Variants in EFCAB7 observed in about 807,000 individuals in gnomAD.
EFCAB7 encodes the protein EF-hand calcium-binding domain-containing protein 7.
A neutral mutation model predicts 77.1 loss-of-function variants in EFCAB7; 66 were observed. The observed-to-expected ratio is 0.86, with a 90% CI of 0.70 to 1.05. The LOEUF is 1.05. EFCAB7 is among the 50% of genes least tolerant of loss of function. EFCAB7 has a pLI of 0.00. For synonymous variants in EFCAB7, 225 were observed against 243.3 expected, an observed-to-expected ratio of 0.92 and a Z score of 0.70; for missense variants, 638 against 730.5, an observed-to-expected ratio of 0.87 and a Z score of 1.46.
chr1:63,538,875 A>C (rs1257877554), intron 6 of EFCAB7, among the ~76,000 whole-genome samples: 2 of 152,204 alleles, frequency 1.3e-5, no homozygotes, highest in South Asian at 2.1e-4. Flanking sequence ...TTAGAATTCA[A>C]ATTGATCTGT....
chr1:63,556,655 T>C (rs1320182197), intron 9 of EFCAB7, among the ~76,000 whole-genome samples: 5 of 152,176 alleles, frequency 3.3e-5, no homozygotes, highest in African/African-American at 1.2e-4. Flanking sequence ...AAAACTGTAT[T>C]TGGTTACATT....
At chr1:63,532,855 C>T (rs537407011) in intron 4 of EFCAB7, 99 bp downstream of exon 4, 18 of 904,082 alleles carry the variant, frequency 2.0e-5, no homozygotes, top group Middle Eastern at 3.2e-4. Context: ...TTACAGTGTA[C>T]ATGCAATGTT....
In EFCAB7 at chr1:63,531,991, G is replaced by A; in HGVS notation, c.359G>A (p.Gly120Asp). The A allele has an allele frequency of 6.2e-7, 1 of 1,612,072 alleles. No individual in the cohort carries two copies. The highest frequency in any genetic ancestry group is 8.5e-7 in the Non-Finnish European group (1 of 1,178,686). The change falls in exon 3 of 14, where the codon GGC becomes GAC. Residue 120 changes from glycine to aspartate, a missense_variant. Transcript: ENST00000371088. ...AAGCAATTAGATGTAAATGATGATG[G>A]CTGTATTTTACACACTGACCTTTAT... ...SFKQLDVNDD[G>D]CILHTDLYKF...
At chr1:63,543,274 A>G (rs564481948) in intron 6 of EFCAB7, among the ~76,000 whole-genome samples, 2 of 152,318 alleles carry the variant, frequency 1.3e-5, no homozygotes, top group East Asian at 3.9e-4. Context: ...TTTATGGGCT[A>G]TCCATTCTGT....
rs375866613 is a variant in EFCAB7, at chr1:63,555,477, A to T, written c.1176A>T (p.Arg392Ser). 3 of 1,613,394 alleles carry T rather than the reference A, an allele frequency of 1.9e-6. No homozygotes were observed. The highest frequency in any genetic ancestry group is 2.5e-6 in the Non-Finnish European group (3 of 1,179,672). The change falls in exon 9 of 14, where the codon AGA (arginine) becomes AGT (serine). Residue 392 changes from arginine (R) to serine (S), a missense_variant. Arg to Ser is a moderately radical substitution (Grantham distance 110, BLOSUM62 -1). Coordinates refer to ENST00000371088, the MANE Select transcript of EFCAB7 (RefSeq NM_032437.4). Reference protein sequence around the residue: ...PVTDEAQLVYRDETGELFLTK... With the variant: ...PVTDEAQLVYSDETGELFLTK... Reference sequence around the variant, plus strand: ...CAGATGAAGCCCAACTTGTATATAGAGATGAAACAGGGGAATTATTCCTTA... The same window carrying T: ...CAGATGAAGCCCAACTTGTATATAGTGATGAAACAGGGGAATTATTCCTTA...
At chr1:63,541,859 AG>A (rs553777400) in intron 6 of EFCAB7, among the ~76,000 whole-genome samples, 92 of 152,202 alleles carry the variant, frequency 6.0e-4, no homozygotes, top group Non-Finnish European at 1.2e-3. Flanking sequence ...CACCATGCCC[AG>A]CCCCAACACA....
chr1:63,554,910 A>T (rs1169747778), intron 8 of EFCAB7, among the ~76,000 whole-genome samples: 2 of 152,216 alleles, frequency 1.3e-5, no homozygotes, highest in African/African-American at 4.8e-5. Flanking sequence ...TGTCATTGAA[A>T]TCTGATTTAG....
At chr1:63,559,729 G>A (rs1647072526) in intron 10 of EFCAB7, among the ~76,000 whole-genome samples, 1 of 152,080 alleles carries the variant, frequency 6.6e-6, no homozygotes, top group Non-Finnish European at 1.5e-5. Flanking sequence ...TATGGGTTTT[G>A]ACAAATATGT....
intron 6 of EFCAB7, among the ~76,000 whole-genome samples, chr1:63,539,395 C>G (rs12143672): frequency 0.015 from 2,233 of 152,240 alleles, 18 homozygotes; most frequent in Non-Finnish European, 0.022. Flanking sequence ...TTAAGTTTAT[C>G]TTAACCCTTA....
chr1:63,549,144 T>C, intron 7 of EFCAB7: 1 of 305,854 alleles, frequency 3.3e-6, no homozygotes, highest in Non-Finnish European at 6.6e-6. Flanking sequence ...TTTTGACCTG[T>C]AGCAGAGAAC....
chr1:63,583,175 A>G, the EFCAB7 span, among the ~76,000 whole-genome samples: 1 of 152,162 alleles, frequency 6.6e-6, no homozygotes, highest in Non-Finnish European at 1.5e-5. Flanking sequence ...TAAGTAAGGG[A>G]AGCAAGCACC....
intron 8 of EFCAB7, among the ~76,000 whole-genome samples, chr1:63,554,371 C>T (rs757311694): frequency 3.3e-5 from 5 of 152,132 alleles, no homozygotes; most frequent in Admixed American, 1.3e-4. Flanking sequence ...GACAGAGTCT[C>T]GTTCTATCAC....
At chr1:63,572,746 C>A, downstream of EFCAB7, 1 of 827,294 alleles carries the variant, frequency 1.2e-6, no homozygotes, top group Non-Finnish European at 1.5e-6. Context: ...TTTTTCTCAG[C>A]AATAAGGCTG....
intron 11 of EFCAB7, among the ~76,000 whole-genome samples, chr1:63,567,603 A>G (rs1266065759): frequency 1.3e-5 from 2 of 152,206 alleles, no homozygotes; most frequent in East Asian, 1.9e-4. Context: ...AAGCAGGAAG[A>G]CAAGGTACCT....
chr1:63,576,150 A>G (rs1647406786), downstream of EFCAB7, among the ~76,000 whole-genome samples: 1 of 152,180 alleles, frequency 6.6e-6, no homozygotes, highest in African/African-American at 2.4e-5. Flanking sequence ...TGGTGAGGTA[A>G]TGTGTGAGCC....
intron 11 of EFCAB7, among the ~76,000 whole-genome samples, chr1:63,562,564 A>G (rs1490861881): frequency 3.4e-5 from 5 of 145,354 alleles, no homozygotes; most frequent in African/African-American, 1.0e-4. Flanking sequence ...CAGTGGCACA[A>G]TCATAGCTCA....
At chr1:63,553,471 C>G (rs1646990922) in intron 8 of EFCAB7, among the ~76,000 whole-genome samples, 1 of 152,164 alleles carries the variant, frequency 6.6e-6, no homozygotes. Flanking sequence ...TCTCAAGTAG[C>G]TGGGACTACA....
At chr1:63,545,489 C>T (rs766607931) in intron 6 of EFCAB7, among the ~76,000 whole-genome samples, 19 of 152,100 alleles carry the variant, frequency 1.2e-4, no homozygotes, top group Non-Finnish European at 2.2e-4. Flanking sequence ...TTTTTTGAGA[C>T]GGAGTTTCCC....
intron 7 of EFCAB7, among the ~76,000 whole-genome samples, chr1:63,550,869 T>C (rs1646956348): frequency 6.6e-6 from 1 of 152,122 alleles, no homozygotes; most frequent in African/African-American, 2.4e-5. Flanking sequence ...TCCAAGATTT[T>C]TGACCTGAGC....
Sources: allele counts gnomAD v4.1 joint callset (sites outside exome capture counted in the v4.1 genomes callset), GRCh38; gene constraint gnomAD v4.1.1; transcripts MANE v1.5; gene names NCBI Gene and HGNC (gene_info 2026-07-23, HGNC 2026-07-21).